Variants in CCNY observed in about 807,000 individuals in gnomAD.
CCNY encodes cyclin Y.
A neutral mutation model predicts 42.8 loss-of-function variants in CCNY; 19 were observed. That is an observed-to-expected ratio of 0.44 (90% CI 0.31 to 0.65). CCNY has a LOEUF of 0.65. Among genes scored for constraint, CCNY ranks in the 30% least tolerant of loss-of-function variants. CCNY has a pLI of 0.07. For missense variants in CCNY, 370 were observed against 437.3 expected (o/e 0.85, Z 1.37); for synonymous variants, 165 against 162.7 (o/e 1.01, Z -0.11).
intron 1 of CCNY, among the ~76,000 whole-genome samples, chr10:35,409,426 C>T (rs1756531839): frequency 6.6e-6 from 1 of 152,154 alleles, no homozygotes; most frequent in South Asian, 2.1e-4. Flanking sequence ...GCTGTCTGGG[C>T]ATCTGTGTTA....
intron 1 of CCNY, among the ~76,000 whole-genome samples, chr10:35,347,704 A>G (rs1836336509): frequency 6.6e-6 from 1 of 152,136 alleles, no homozygotes; most frequent in Admixed American, 6.5e-5. Flanking sequence ...GCTTCTCAAG[A>G]AAAGATTTCA....
chr10:35,462,439 A>G (rs536173218), intron 1 of CCNY, among the ~76,000 whole-genome samples: 2 of 152,286 alleles, frequency 1.3e-5, no homozygotes, highest in African/African-American at 4.8e-5. Flanking sequence ...TTGCTTTGCC[A>G]TTATGATCTG....
At chr10:35,382,369 A>T (rs773401443) in intron 1 of CCNY, among the ~76,000 whole-genome samples, 1 of 152,168 alleles carries the variant, frequency 6.6e-6, no homozygotes, top group Non-Finnish European at 1.5e-5. Flanking sequence ...CTTTGCTTGG[A>T]GCATGCAAAG....
chr10:35,322,957 C>T (rs570354209), intron 3 of CCNY, among the ~76,000 whole-genome samples: 20 of 152,226 alleles, frequency 1.3e-4, no homozygotes, highest in African/African-American at 3.6e-4. Flanking sequence ...GATGGAGTCT[C>T]GCTCTGTCGC....
At chr10:35,425,531 T>A (rs1242478491) in intron 1 of CCNY, among the ~76,000 whole-genome samples, 1 of 152,200 alleles carries the variant, frequency 6.6e-6, no homozygotes, top group Non-Finnish European at 1.5e-5. Flanking sequence ...GAGTGGGATG[T>A]TATATATGGC....
Position 35,455,825 on chromosome 10 carries a change from T to A in CCNY, c.155-27579T>A, listed in dbSNP as rs2431060. On this transcript the variant is annotated intron_variant, in intron 1 of 9. Transcript: ENST00000374704. ...CTTCCTTTTTTTTTTTTTTTTTTTT[T>A]AAAAAAAGAAAAAGACAGGGTCTCA... Among the ~76,000 whole-genome samples, 602 of 99,798 alleles carry A rather than the reference T, an allele frequency of 6.0e-3. 1 individual carries two copies. Among genetic ancestry groups the A allele is most frequent in the Middle Eastern group, 0.017 (3 of 176 alleles). 65.5% of individuals were successfully genotyped at this position (99,798 alleles called of 152,430 possible).
chr10:35,453,053 T>C (rs1418333720), intron 1 of CCNY, among the ~76,000 whole-genome samples: 1 of 152,234 alleles, frequency 6.6e-6, no homozygotes. Flanking sequence ...TCGTTCACTG[T>C]AACTTGGAAC....
At chr10:35,430,194 G>A (rs1041307080) in intron 1 of CCNY, among the ~76,000 whole-genome samples, 1 of 151,114 alleles carries the variant, frequency 6.6e-6, no homozygotes, top group Non-Finnish European at 1.5e-5. Flanking sequence ...AAAATTAGCC[G>A]GGCGTAGTGG....
chr10:35,543,075 T>C (rs1297564358), intron 7 of CCNY, among the ~76,000 whole-genome samples: 1 of 152,240 alleles, frequency 6.6e-6, no homozygotes, highest in African/African-American at 2.4e-5. Flanking sequence ...TCTATTTCAT[T>C]TTTTAAAAAA....
chr10:35,307,900 C>T (rs1005256793), intron 3 of CCNY, among the ~76,000 whole-genome samples: 2 of 149,474 alleles, frequency 1.3e-5, no homozygotes, highest in African/African-American at 4.9e-5. Flanking sequence ...TCACTGCAAC[C>T]TCCGCCTCCC....
intron 3 of CCNY, among the ~76,000 whole-genome samples, chr10:35,515,700 C>T (rs1189435886): frequency 6.6e-6 from 1 of 152,182 alleles, no homozygotes; most frequent in Non-Finnish European, 1.5e-5. Context: ...TGCTTTTGAT[C>T]AGGAACTATC....
chr10:35,564,560 T>C (rs1841530147), intron 8 of CCNY, among the ~76,000 whole-genome samples: 1 of 152,320 alleles, frequency 6.6e-6, no homozygotes, highest in South Asian at 2.1e-4. Context: ...GGTGCCTGCA[T>C]GTGAGGCTCA....
At chr10:35,485,627 A>T (rs1839768794) in intron 2 of CCNY, among the ~76,000 whole-genome samples, 1 of 149,536 alleles carries the variant, frequency 6.7e-6, no homozygotes, top group South Asian at 2.1e-4. Flanking sequence ...CAGGAGGCTG[A>T]GGCAGGAGAA....
chr10:35,303,939 G>T (rs1243339144), intron 3 of CCNY, among the ~76,000 whole-genome samples: 1 of 152,108 alleles, frequency 6.6e-6, no homozygotes, highest in African/African-American at 2.4e-5. Context: ...ACGATGTGGG[G>T]AAAACACTAA....
At chr10:35,459,425 A>G (rs1361435828) in intron 1 of CCNY, among the ~76,000 whole-genome samples, 7 of 152,148 alleles carry the variant, frequency 4.6e-5, no homozygotes, top group Admixed American at 4.6e-4. Context: ...CTCATCAACT[A>G]TTGTTAGTGT....
At chr10:35,564,654 C>G (rs560523099) in intron 8 of CCNY, among the ~76,000 whole-genome samples, 2 of 152,130 alleles carry the variant, frequency 1.3e-5, no homozygotes, top group East Asian at 3.9e-4. Flanking sequence ...AGGGTGAGGC[C>G]CTGCACTAGG....
At chr10:35,280,382 G>A (rs200198934) in intron 3 of CCNY, among the ~76,000 whole-genome samples, 55 of 72,882 alleles carry the variant, frequency 7.5e-4, no homozygotes, top group African/African-American at 2.0e-3. Flanking sequence ...AGGAAGAAGG[G>A]AAGAAAGGAA....
chr10:35,555,987 A>G (rs766584302), intron 8 of CCNY, among the ~76,000 whole-genome samples: 16 of 152,196 alleles, frequency 1.1e-4, no homozygotes, highest in South Asian at 4.1e-4. Flanking sequence ...AACCAGCACT[A>G]TGGTTAGTAG....
chr10:35,395,962 G>C (rs796769941), intron 1 of CCNY, among the ~76,000 whole-genome samples: 28 of 152,082 alleles, frequency 1.8e-4, no homozygotes, highest in African/African-American at 6.5e-4. Context: ...GGGTGCATAG[G>C]GCCCCCGAGA....
Sources: gnomAD v4.1 joint callset for allele counts (sites outside exome capture counted in the v4.1 genomes callset) on GRCh38, gnomAD v4.1.1 for gene constraint, MANE v1.5 for transcripts, NCBI Gene and HGNC (gene_info 2026-07-23, HGNC 2026-07-21) for gene names.